SMYD3: variants seen among roughly 807,000 people sequenced by gnomAD.
SMYD3 encodes the protein SET and MYND domain containing 3, also known as histone-lysine N-methyltransferase SMYD3.
SMYD3 carries 36 observed loss-of-function variants against 57.7 expected under a neutral mutation model. The observed-to-expected ratio is 0.62, with a 90% CI of 0.48 to 0.82. The LOEUF is 0.82. Among genes scored for constraint, SMYD3 ranks in the 40% least tolerant of loss-of-function variants. SMYD3 has a pLI of 0.00. For synonymous variants in SMYD3, 211 were observed against 195.0 expected, an observed-to-expected ratio of 1.08 and a Z score of -0.68; for missense variants, 515 against 538.8, an observed-to-expected ratio of 0.96 and a Z score of 0.44.
chr1:245,901,670 C>G (rs1934568), intron 8 of SMYD3, among the ~76,000 whole-genome samples: 151,896 of 152,310 alleles, frequency 1, 75,744 homozygotes, highest in Middle Eastern at 1. Flanking sequence ...GGAAAACAGT[C>G]AGCAGATAAC....
intron 5 of SMYD3, among the ~76,000 whole-genome samples, chr1:246,058,092 T>C (rs201055639): frequency 9.0e-6 from 1 of 111,652 alleles, no homozygotes; most frequent in Non-Finnish European, 2.0e-5. Context: ...GGGATGAGAG[T>C]TGAGAGAGAG....
intron 5 of SMYD3, among the ~76,000 whole-genome samples, chr1:246,170,812 CATACTA>C (rs1343970636): frequency 7.2e-5 from 11 of 152,198 alleles, no homozygotes; most frequent in Admixed American, 2.0e-4. Context: ...CATCTACAAA[CATACTA>C]TGTCTTTCCA....
At chr1:245,867,558 T>C (rs1310185954) in intron 8 of SMYD3, among the ~76,000 whole-genome samples, 1 of 151,962 alleles carries the variant, frequency 6.6e-6, no homozygotes, top group East Asian at 1.9e-4. Context: ...TTCTAGGCAG[T>C]AGGGATAGAG....
chr1:246,371,903 G>A (rs2148731747), intron 1 of SMYD3, among the ~76,000 whole-genome samples: 1 of 147,650 alleles, frequency 6.8e-6, no homozygotes, highest in Non-Finnish European at 1.5e-5. Flanking sequence ...TTAAATATTT[G>A]CTCTTCTGTT....
intron 8 of SMYD3, among the ~76,000 whole-genome samples, chr1:245,882,953 T>C (rs1208973742): frequency 6.6e-6 from 1 of 152,208 alleles, no homozygotes; most frequent in Admixed American, 6.5e-5. Flanking sequence ...GTACACTCTT[T>C]TTAGAAAGGG....
chr1:246,335,338 C>G (rs1327385209), intron 3 of SMYD3, 29 bp downstream of exon 3: 7 of 1,594,276 alleles, frequency 4.4e-6, no homozygotes, highest in Non-Finnish European at 5.2e-6. Context: ...AACCAAAACC[C>G]AGCTATATTT....
chr1:246,346,494 T>C (rs930773623), intron 2 of SMYD3, among the ~76,000 whole-genome samples: 4 of 152,066 alleles, frequency 2.6e-5, no homozygotes, highest in Admixed American at 2.0e-4. Context: ...AGACGTTTAA[T>C]TGACTCACAG....
intron 5 of SMYD3, among the ~76,000 whole-genome samples, chr1:246,280,528 C>T (rs1271970079): frequency 6.6e-6 from 1 of 152,108 alleles, no homozygotes; most frequent in African/African-American, 2.4e-5. Flanking sequence ...GAGGCTGAGG[C>T]AGGAGGATTG....
At chr1:246,457,778 T>A (rs189621179) in intron 1 of SMYD3, among the ~76,000 whole-genome samples, 2 of 152,232 alleles carry the variant, frequency 1.3e-5, no homozygotes, top group East Asian at 3.9e-4. Context: ...CTACCTACTA[T>A]CCAAAATTTA....
At position 246,164,403 on chromosome 1, in the gene SMYD3, G is replaced by C. The variant is rs1035120274; in HGVS notation, c.531+162798C>G. Among the ~76,000 whole-genome samples the C allele has an allele frequency of 3.9e-5, 6 of 152,354 alleles. No homozygotes were observed. The East Asian group carries it at 9.6e-4, about 24-fold the overall frequency. On this transcript the variant is annotated intron_variant, in intron 5 of 11. Coordinates refer to ENST00000490107, the MANE Select transcript of SMYD3 (RefSeq NM_001167740.2). ...CCACTGCACTCCAGCCTGGGCGACAGAGCGAGACTCCGTCTCAAGAAATAA... is the reference window on the plus strand; with the variant it reads ...CCACTGCACTCCAGCCTGGGCGACACAGCGAGACTCCGTCTCAAGAAATAA...
At chr1:246,442,276 G>T (rs1490436354) in intron 1 of SMYD3, among the ~76,000 whole-genome samples, 1 of 152,204 alleles carries the variant, frequency 6.6e-6, no homozygotes, top group Admixed American at 6.5e-5. Context: ...GACTATTGAG[G>T]CCAGGCATGG....
intron 5 of SMYD3, among the ~76,000 whole-genome samples, chr1:246,009,208 A>C (rs1335820759): frequency 2.0e-5 from 3 of 152,244 alleles, no homozygotes; most frequent in Non-Finnish European, 4.4e-5. Context: ...AGGCGCTCAC[A>C]ATGCTGCAGA....
At chr1:246,049,170 G>C (rs1276770245) in intron 5 of SMYD3, among the ~76,000 whole-genome samples, 1 of 151,948 alleles carries the variant, frequency 6.6e-6, no homozygotes, top group Non-Finnish European at 1.5e-5. Context: ...CCCAGTTCTA[G>C]TTGCAGGCCA....
At chr1:246,446,608 A>G (rs1206963852) in intron 1 of SMYD3, among the ~76,000 whole-genome samples, 1 of 152,202 alleles carries the variant, frequency 6.6e-6, no homozygotes, top group Non-Finnish European at 1.5e-5. Flanking sequence ...CTAAAATTCA[A>G]TTAAAACTTA....
intron 1 of SMYD3, among the ~76,000 whole-genome samples, chr1:246,456,591 C>G (rs2103033696): frequency 6.6e-6 from 1 of 152,348 alleles, no homozygotes. Flanking sequence ...CTAGCTTCCA[C>G]AGTATTCTGT....
chr1:246,054,634 A>G lies in SMYD3; in HGVS notation c.532-124697T>C, dbSNP rs573371061. Among the ~76,000 whole-genome samples, 11 of 152,294 alleles carry G rather than the reference A, an allele frequency of 7.2e-5. No homozygotes were observed. The East Asian group carries it at 1.7e-3, about 24-fold the overall frequency. Reference sequence around the variant, plus strand: ...AGCGAAAACAGTTGGATGTAAGGGTACATACTGATTTCACTTTATGTAAAA... The same window carrying G: ...AGCGAAAACAGTTGGATGTAAGGGTGCATACTGATTTCACTTTATGTAAAA... On this transcript the variant is annotated intron_variant, in intron 5 of 11. Transcript: ENST00000490107.
chr1:245,865,066 C>G (rs893177259), intron 8 of SMYD3, among the ~76,000 whole-genome samples: 4 of 152,202 alleles, frequency 2.6e-5, no homozygotes, highest in Admixed American at 1.3e-4. Flanking sequence ...ATAGTAGTTG[C>G]TTACTCAGCA....
In SMYD3 at chr1:246,438,880, C is replaced by T. The variant is rs145316817; in HGVS notation, c.164+68174G>A. Reference sequence around the variant, plus strand: ...CAGTTCACAATAGGGTTCACGCTCCCGTGAGAATCTAATGCCGCTGCTGAT... The same window carrying T: ...CAGTTCACAATAGGGTTCACGCTCCTGTGAGAATCTAATGCCGCTGCTGAT... On this transcript the variant is annotated intron_variant, in intron 1 of 11. Transcript: ENST00000490107. Among the ~76,000 whole-genome samples the T allele has an allele frequency of 4.4e-3, 660 of 151,506 alleles. 2 individuals carry two copies. Among genetic ancestry groups the T allele is most frequent in the Non-Finnish European group, 7.0e-3 (478 of 67,914 alleles).
intron 1 of SMYD3, among the ~76,000 whole-genome samples, chr1:246,402,490 G>A (rs1428674142): frequency 6.6e-6 from 1 of 151,810 alleles, no homozygotes; most frequent in African/African-American, 2.4e-5. Flanking sequence ...GAGACAGAGT[G>A]TCTGTAACAG....
Sources: gnomAD v4.1 joint callset for allele counts (sites outside exome capture counted in the v4.1 genomes callset) on GRCh38, gnomAD v4.1.1 for gene constraint, MANE v1.5 for transcripts, NCBI Gene and HGNC (gene_info 2026-07-23, HGNC 2026-07-21) for gene names.